Variants in FDFT1 observed in about 807,000 individuals in gnomAD.
FDFT1 encodes farnesyl-diphosphate farnesyltransferase 1.
Under a neutral mutation model 46.8 loss-of-function variants are expected in FDFT1, and 68 were observed. That is an observed-to-expected ratio of 1.45 (90% CI 1.19 to 1.78). The LOEUF is 1.78. FDFT1 is among the 40% of genes most tolerant of loss of function. The probability of loss-of-function intolerance (pLI) is 0.00; values close to 1 mark genes in which losing one functional copy is unlikely to be tolerated. For missense variants in FDFT1, 928 were observed against 524.4 expected (o/e 1.77, Z -7.52); for synonymous variants, 351 against 185.1 (o/e 1.90, Z -7.28).
chr8:11,812,238 C>T (rs770102646), intron 3 of FDFT1, among the ~76,000 whole-genome samples: 1 of 152,180 alleles, frequency 6.6e-6, no homozygotes, highest in Non-Finnish European at 1.5e-5. Flanking sequence ...ATCTGGAGTT[C>T]CTTGCCCCAA....
At position 11,831,512 on chromosome 8, in the gene FDFT1, C is replaced by T. The variant is rs748096643; in HGVS notation, c.880-6C>T. On this transcript the variant is annotated splice_region_variant and splice_polypyrimidine_tract_variant and intron_variant, in intron 6 of 7. Transcript: ENST00000220584. ...TCTTTTTTCCCTCTCTTCTTGTTGT[C>T]TCTAGGTGATGGCCATTGCCACTTT... 3.1e-6 allele frequency: 5 copies of T among 1,613,148 alleles called. No individual in the cohort carries two copies. In the South Asian group the frequency reaches 4.4e-5, roughly 14 times the overall value.
upstream of FDFT1, among the ~76,000 whole-genome samples, chr8:11,800,252 TTC>T (rs1406632376): frequency 1.2e-5 from 1 of 86,438 alleles, no homozygotes; most frequent in Non-Finnish European, 2.0e-5. Context: ...AAGAGTGAAA[TTC>T]TGTCTCAAAA....
At chr8:11,825,049 C>G (rs977733971) in intron 4 of FDFT1, among the ~76,000 whole-genome samples, 1 of 152,140 alleles carries the variant, frequency 6.6e-6, no homozygotes, top group Non-Finnish European at 1.5e-5. Flanking sequence ...GTGCAGAGTT[C>G]TTAAAACCGT....
chr8:11,834,542 G>C (rs899011199), intron 7 of FDFT1, among the ~76,000 whole-genome samples: 2 of 152,178 alleles, frequency 1.3e-5, no homozygotes, highest in Non-Finnish European at 2.9e-5. Context: ...CCAGCCAGCA[G>C]CTGCCAGGAA....
intron 4 of FDFT1, among the ~76,000 whole-genome samples, chr8:11,825,280 G>T (rs573049730): frequency 1.3e-5 from 2 of 152,172 alleles, no homozygotes; most frequent in Admixed American, 1.3e-4. Flanking sequence ...GGTGTCTTGG[G>T]CTGGTAATCC....
At chr8:11,829,146 CTTG>C (rs36119615) in intron 5 of FDFT1, among the ~76,000 whole-genome samples, 50,704 of 151,846 alleles carry the variant, frequency 0.33, 8,502 homozygotes, top group South Asian at 0.4. Context: ...TTCACCAGCA[CTTG>C]TTGTTATCTC....
At chr8:11,827,194 G>A (rs965361680) in intron 5 of FDFT1, among the ~76,000 whole-genome samples, 1 of 152,172 alleles carries the variant, frequency 6.6e-6, no homozygotes, top group East Asian at 1.9e-4. Context: ...AGACGGGTGA[G>A]GCTAAGTGTG....
intron 3 of FDFT1, among the ~76,000 whole-genome samples, chr8:11,818,906 TG>T (rs531336811): frequency 4.6e-4 from 70 of 152,360 alleles, no homozygotes; most frequent in African/African-American, 1.6e-3. Context: ...TGATGTTTGC[TG>T]GTTATTTTGC....
chr8:11,831,766 C>A, intron 7 of FDFT1, 96 bp downstream of exon 7: 2 of 1,017,848 alleles, frequency 2.0e-6, no homozygotes, highest in Admixed American at 1.8e-5. Flanking sequence ...ATGATCCTAA[C>A]AATTCACTAT....
intron 3 of FDFT1, among the ~76,000 whole-genome samples, chr8:11,813,866 T>G (rs1452252986): frequency 6.6e-6 from 1 of 152,166 alleles, no homozygotes; most frequent in East Asian, 1.9e-4. Flanking sequence ...GGGGAACATA[T>G]GAAACTGGGC....
In FDFT1 at chr8:11,838,509, T is replaced by C; in HGVS notation, c.1154T>C (p.Ile385Thr). 1 of 1,608,622 alleles carries C rather than the reference T, an allele frequency of 6.2e-7. No homozygotes were observed. The highest frequency in any genetic ancestry group is 8.5e-7 in the Non-Finnish European group (1 of 1,176,738). Reference sequence around the variant, plus strand: ...ATTTCCCGAAGCCACTACTCCCCCATCTACCTGTCGTTTGTCATGCTTTTG... The same window carrying C: ...ATTTCCCGAAGCCACTACTCCCCCACCTACCTGTCGTTTGTCATGCTTTTG... ...QLISRSHYSP[I>T]YLSFVMLLAA... The change falls in exon 8 of 8, where the codon ATC becomes ACC. Residue 385 changes from isoleucine to threonine, a missense_variant. Ile to Thr is a moderately conservative substitution (Grantham distance 89). Coordinates refer to ENST00000220584, the MANE Select transcript of FDFT1 (RefSeq NM_004462.5).
At chr8:11,828,436 G>A (rs1810311389) in intron 5 of FDFT1, among the ~76,000 whole-genome samples, 1 of 152,252 alleles carries the variant, frequency 6.6e-6, no homozygotes, top group South Asian at 2.1e-4. Context: ...AGGGCTCAGA[G>A]AAGGGAAGGG....
At chr8:11,802,413 C>T (rs552676418), upstream of FDFT1, 7 of 457,622 alleles carry the variant, frequency 1.5e-5, no homozygotes, top group South Asian at 7.7e-5. Flanking sequence ...TAAGCCCCAC[C>T]GCCTCACCTC....
At chr8:11,807,229 C>T (rs1736060) in intron 1 of FDFT1, among the ~76,000 whole-genome samples, 82,857 of 151,944 alleles carry the variant, frequency 0.55, 23,169 homozygotes, top group East Asian at 0.67. Context: ...CGTGTATCTC[C>T]TGGGCTCAAG....
At chr8:11,809,099 C>A (rs1377467684) in intron 2 of FDFT1, 26 of 1,284,234 alleles carry the variant, frequency 2.0e-5, no homozygotes, top group Non-Finnish European at 2.6e-5. Context: ...CCCAGCCTTT[C>A]AGAGAAGAGG....
chr8:11,802,644 C>T, upstream of FDFT1: 1 of 599,240 alleles, frequency 1.7e-6, no homozygotes, highest in East Asian at 2.8e-5. Flanking sequence ...CACGAGGCCG[C>T]AGCTAGCCCC....
upstream of FDFT1, among the ~76,000 whole-genome samples, chr8:11,800,710 A>G (rs1008826626): frequency 2.0e-5 from 3 of 152,246 alleles, no homozygotes; most frequent in African/African-American, 7.2e-5. Context: ...TCTTTATCAT[A>G]GCTAGCAGAT....
chr8:11,819,354 T>C (rs1808905100), intron 3 of FDFT1, among the ~76,000 whole-genome samples: 1 of 152,168 alleles, frequency 6.6e-6, no homozygotes, highest in African/African-American at 2.4e-5. Flanking sequence ...AGGAATATCT[T>C]TGTGGTGTTC....
At chr8:11,821,726 G>A (rs747916959) in intron 3 of FDFT1, 24 bp from the exon 4 acceptor site, 1 of 1,611,084 alleles carries the variant, frequency 6.2e-7, no homozygotes, top group East Asian at 2.2e-5. Flanking sequence ...CATGATTTCT[G>A]TGTTTTTACG....
Sources: allele counts gnomAD v4.1 joint callset (sites outside exome capture counted in the v4.1 genomes callset), GRCh38; gene constraint gnomAD v4.1.1; transcripts MANE v1.5; gene names NCBI Gene and HGNC (gene_info 2026-07-23, HGNC 2026-07-21).